The following PIKFYVE variants were observed in gnomAD, a reference collection of about 807,000 sequenced individuals.
PIKFYVE encodes the protein phosphoinositide kinase, FYVE-type zinc finger containing.
Under a neutral mutation model 257.9 loss-of-function variants are expected in PIKFYVE, and 122 were observed. That is an observed-to-expected ratio of 0.47 (90% CI 0.41 to 0.55). PIKFYVE has a LOEUF of 0.55. Ranked by LOEUF, PIKFYVE falls within the 20% of genes least tolerant of loss-of-function variation. The probability of loss-of-function intolerance (pLI) is 0.00; values close to 1 mark genes in which losing one functional copy is unlikely to be tolerated. For synonymous variants in PIKFYVE, 892 were observed against 868.9 expected (o/e 1.03, Z -0.47); for missense variants, 2,160 against 2,536.6 (o/e 0.85, Z 3.19).
chr2:208,310,111 G>A (rs112075309), intron 12 of PIKFYVE, among the ~76,000 whole-genome samples: 10 of 152,206 alleles, frequency 6.6e-5, no homozygotes, highest in Admixed American at 4.6e-4. Flanking sequence ...AAGTTGAAGC[G>A]TAATAGTTTG....
chr2:208,339,415 T>C lies in PIKFYVE; in HGVS notation c.4673-3T>C, dbSNP rs1698489184. On this transcript the variant is annotated splice_region_variant and splice_polypyrimidine_tract_variant and intron_variant, in intron 29 of 41. Transcript: ENST00000264380. Reference sequence around the variant, plus strand: ...ACTCATTTAAGATTGTGTTTTTCTTTAGAGGATCGCTTCTTAACAACTTTG... The same window carrying C: ...ACTCATTTAAGATTGTGTTTTTCTTCAGAGGATCGCTTCTTAACAACTTTG... The C allele has an allele frequency of 6.2e-7, 1 of 1,614,148 alleles. No individual in the cohort carries two copies. Among genetic ancestry groups the C allele is most frequent in the Non-Finnish European group, 8.5e-7 (1 of 1,179,988 alleles).
chr2:208,312,282 C>T lies in PIKFYVE; in HGVS notation c.1683C>T (p.Asp561=), dbSNP rs539032567. 120 of 1,609,366 alleles carry T rather than the reference C, an allele frequency of 7.5e-5. 1 individual carries two copies. In the East Asian group the frequency reaches 1.4e-3, roughly 19 times the overall value. The change falls in exon 13 of 42, where the codon GAC becomes GAT. Residue 561 remains aspartate (D), a synonymous_variant. Transcript: ENST00000264380. ...GAGGACAACAGCTCTCAATAAGTGACGCTTTCATCAAAGGTAATTTTATAA... is the reference window on the plus strand; with the variant it reads ...GAGGACAACAGCTCTCAATAAGTGATGCTTTCATCAAAGGTAATTTTATAA... ...DTGGQQLSIS[D]AFIKESLFNR... is the part of the protein sequence containing the mutation.
intron 31 of PIKFYVE, among the ~76,000 whole-genome samples, chr2:208,342,276 T>C (rs1698782532): frequency 6.6e-6 from 1 of 152,204 alleles, no homozygotes; most frequent in South Asian, 2.1e-4. Flanking sequence ...ACAAAATATT[T>C]TAGACTTCTG....
Position 208,320,163 on chromosome 2 carries a change from A to G in PIKFYVE, c.2083-89A>G, listed in dbSNP as rs983740119. The G allele has an allele frequency of 2.0e-6, 3 of 1,485,366 alleles. No homozygotes were observed. The Admixed American group carries it at 6.6e-5, about 33-fold the overall frequency. 92.0% of individuals were successfully genotyped at this position (1,485,366 alleles called of 1,614,324 possible). On this transcript the variant is annotated intron_variant, in intron 16 of 41. Coordinates refer to ENST00000264380, the MANE Select transcript of PIKFYVE (RefSeq NM_015040.4). ...GAGATACATTAAGTTAGTAGGAATT[A>G]TGAACAATATAGATTTAAAGTTATA...
At chr2:208,305,294 A>G (rs1413982093) in intron 12 of PIKFYVE, 15 of 1,295,868 alleles carry the variant, frequency 1.2e-5, no homozygotes, top group Non-Finnish European at 1.5e-5. Flanking sequence ...ATAATGTGCA[A>G]CTTCCAAGGT....
At chr2:208,307,128 G>A (rs1001656207) in intron 12 of PIKFYVE, among the ~76,000 whole-genome samples, 16 of 152,244 alleles carry the variant, frequency 1.1e-4, no homozygotes, top group South Asian at 4.1e-4. Flanking sequence ...GGCAACTTTC[G>A]TAGGAGAATG....
At chr2:208,348,149 A>T in intron 35 of PIKFYVE, 126 bp downstream of exon 35, 1 of 1,232,464 alleles carries the variant, frequency 8.1e-7, no homozygotes, top group Non-Finnish European at 1.2e-6. Flanking sequence ...CTCTGTTCTC[A>T]CTTGTCAGTG....
Position 208,314,306 on chromosome 2 carries a change from AT to A in PIKFYVE, c.1710del (p.Arg571AlafsTer3). The part of the protein sequence containing the change: ...SDAFIKESLF[N>X]RRVEEKSKEL... ...ATATTGTACTTAGAATCCTTATTTAATCGCCGAGTAGAGGAAAAATCCAAAG... is the reference window on the plus strand; with the variant it reads ...ATATTGTACTTAGAATCCTTATTTAACGCCGAGTAGAGGAAAAATCCAAAG... On this transcript the variant is annotated frameshift_variant, in exon 14 of 42. Transcript: ENST00000264380. LOFTEE classifies it high-confidence loss of function. 6.2e-7 allele frequency: 1 copy of A among 1,613,264 alleles called. No individual in the cohort carries two copies. The highest frequency in any genetic ancestry group is 8.5e-7 in the Non-Finnish European group (1 of 1,179,300).
chr2:208,345,969 C>A, intron 33 of PIKFYVE, 81 bp from the exon 34 acceptor site: 3 of 946,356 alleles, frequency 3.2e-6, no homozygotes, highest in Non-Finnish European at 5.1e-6. Flanking sequence ...CAGTGTACAG[C>A]GTAATTAGTG....
rs549495772 is a variant in PIKFYVE, at chr2:208,317,766, A to G, written c.2008-101A>G. 3.7e-5 allele frequency: 42 copies of G among 1,136,006 alleles called. No individual in the cohort carries two copies. In the African/African-American group the frequency reaches 6.3e-4, roughly 17 times the overall value. The allele number at this position is 1,136,006 out of a possible 1,614,324, so 70.4% of individuals were successfully genotyped here. A position where few individuals can be genotyped will look rare whatever the true frequency, so the allele number is the denominator to read the frequency against. On this transcript the variant is annotated intron_variant, in intron 15 of 41. Transcript: ENST00000264380. ...AAATTTTTTGTTCTTATTTGATTACATAATAGTTTAAAAAAAATGGAAAGA... is the reference window on the plus strand; with the variant it reads ...AAATTTTTTGTTCTTATTTGATTACGTAATAGTTTAAAAAAAATGGAAAGA...
Position 208,350,783 on chromosome 2 carries a change from C to A in PIKFYVE, c.5447C>A (p.Ala1816Asp). ...NPHVELQFSD[A>D]NAKFYCRLYY... is the part of the protein sequence containing the mutation. ...CTGTTGTTTATAGAATTTTCAGATG[C>A]TAATGCCAAGTTTTACTGTCGGCTC... The change falls in exon 37 of 42, where the codon GCT (alanine) becomes GAT (aspartate). Residue 1816 changes from alanine to aspartate, a missense_variant. By Grantham distance (126) the Ala-to-Asp change is moderately radical. Coordinates refer to ENST00000264380, the MANE Select transcript of PIKFYVE (RefSeq NM_015040.4). 1 of 1,614,082 alleles carries A rather than the reference C, an allele frequency of 6.2e-7. No individual in the cohort carries two copies. The highest frequency in any genetic ancestry group is 8.5e-7 in the Non-Finnish European group (1 of 1,180,014).
chr2:208,289,453 C>T (rs916802401), intron 7 of PIKFYVE, among the ~76,000 whole-genome samples: 8 of 151,794 alleles, frequency 5.3e-5, no homozygotes, highest in South Asian at 2.1e-4. Context: ...ATTTTTGAGA[C>T]GGAGTCTCAC....
rs560140053 is a variant in PIKFYVE at position 208,273,464 on chromosome 2, A to G, written c.173-120A>G. On this transcript the variant is annotated intron_variant, in intron 2 of 41. Coordinates refer to ENST00000264380, the MANE Select transcript of PIKFYVE (RefSeq NM_015040.4). ...AATTAAATAAATGAAAAAGGAAAAA[A>G]AAAATTTTTAGTTACGCATATAATA... 3.2e-4 allele frequency: 381 copies of G among 1,195,266 alleles called. 1 individual carries two copies. In the Middle Eastern group the frequency reaches 5.2e-3, roughly 16 times the overall value. The allele number at this position is 1,195,266 out of a possible 1,614,324, so 74.0% of individuals were successfully genotyped here. A position where few individuals can be genotyped will look rare whatever the true frequency, so the allele number is the denominator to read the frequency against.
chr2:208,332,956 C>T (rs964625294), intron 23 of PIKFYVE, among the ~76,000 whole-genome samples: 10 of 151,972 alleles, frequency 6.6e-5, no homozygotes, highest in Non-Finnish European at 1.5e-4. Flanking sequence ...AAATGTTGGC[C>T]GGGTGTGGTG....
intron 1 of PIKFYVE, among the ~76,000 whole-genome samples, chr2:208,271,150 C>T (rs533897578): frequency 5.2e-4 from 79 of 152,142 alleles, no homozygotes; most frequent in Middle Eastern, 3.4e-3. Flanking sequence ...TCCCTTCTTC[C>T]GAAACATCTT....
chr2:208,296,472 T>C (rs1186358450), intron 7 of PIKFYVE, among the ~76,000 whole-genome samples: 1 of 152,170 alleles, frequency 6.6e-6, no homozygotes, highest in Non-Finnish European at 1.5e-5. Flanking sequence ...TTTAGATGTG[T>C]TGAATTTGAG....
At chr2:208,353,225 G>A (rs1044095721) in intron 39 of PIKFYVE, among the ~76,000 whole-genome samples, 2 of 152,202 alleles carry the variant, frequency 1.3e-5, no homozygotes, top group Non-Finnish European at 2.9e-5. Context: ...ATGTAATTCA[G>A]TTCACTGCTT....
rs539946615 is a variant in PIKFYVE, at chr2:208,347,803, A to G, written c.5210-56A>G. On this transcript the variant is annotated intron_variant, in intron 34 of 41. Transcript: ENST00000264380. ...ACAAAGAAATGAGCTGAAAATTTTTATTTTTCATCTGTAGTGACCTGTACT... is the reference window on the plus strand; with the variant it reads ...ACAAAGAAATGAGCTGAAAATTTTTGTTTTTCATCTGTAGTGACCTGTACT... 2.7e-6 allele frequency: 4 copies of G among 1,476,216 alleles called. No individual in the cohort carries two copies. In the Admixed American group the frequency reaches 5.9e-5, roughly 22 times the overall value. 91.4% of individuals were successfully genotyped at this position (1,476,216 alleles called of 1,614,324 possible).
chr2:208,352,170 G>A (rs188588951), intron 38 of PIKFYVE, among the ~76,000 whole-genome samples: 51 of 152,252 alleles, frequency 3.3e-4, no homozygotes, highest in African/African-American at 1.2e-3. Context: ...TCAGTAGTTG[G>A]TAATTTTGCT....
Sources: allele counts gnomAD v4.1 joint callset (sites outside exome capture counted in the v4.1 genomes callset), GRCh38; gene constraint gnomAD v4.1.1; transcripts MANE v1.5; gene names NCBI Gene and HGNC (gene_info 2026-07-23, HGNC 2026-07-21).